PTPRT: variants seen among roughly 807,000 people sequenced by gnomAD.
PTPRT encodes the protein protein tyrosine phosphatase receptor type T.
A neutral mutation model predicts 176.8 loss-of-function variants in PTPRT; 56 were observed. The observed-to-expected ratio is 0.32, with a 90% CI of 0.26 to 0.40. The LOEUF (loss-of-function observed/expected upper bound fraction) is 0.40. Ranked by LOEUF, PTPRT falls within the 10% of genes least tolerant of loss-of-function variation. PTPRT has a pLI of 1.00. For synonymous variants in PTPRT, 783 were observed against 739.0 expected (o/e 1.06, Z -0.96); for missense variants, 1,540 against 1,908.2 (o/e 0.81, Z 3.60).
intron 16 of PTPRT, among the ~76,000 whole-genome samples, chr20:42,181,008 T>C (rs1309952231): frequency 6.6e-6 from 1 of 152,232 alleles, no homozygotes; most frequent in Non-Finnish European, 1.5e-5. Flanking sequence ...ACAATAATCA[T>C]CAACTCATAG....
At chr20:42,135,311 G>T (rs1988319487) in intron 18 of PTPRT, among the ~76,000 whole-genome samples, 1 of 152,142 alleles carries the variant, frequency 6.6e-6, no homozygotes, top group Admixed American at 6.5e-5. Context: ...GAACCCACCT[G>T]GTATGTTGTA....
Position 42,617,371 on chromosome 20 carries a change from G to T in PTPRT, c.1153+60495C>A, listed in dbSNP as rs1332613886. 2.2e-5 allele frequency among the ~76,000 whole-genome samples: 3 copies of T among 136,012 alleles called. 1 individual carries two copies. Among genetic ancestry groups the T allele is most frequent in the African/African-American group, 9.9e-5 (3 of 30,448 alleles). 89.2% of individuals were successfully genotyped at this position (136,012 alleles called of 152,430 possible). A position where few individuals can be genotyped will look rare whatever the true frequency, so the allele number is the denominator to read the frequency against. On this transcript the variant is annotated intron_variant, in intron 7 of 30. Transcript: ENST00000373187. ...TTTTATTGAGGATTTTTGCCTCAATGTTCATCAAGGATATTGGTCTAAAAT... is the reference window on the plus strand; with the variant it reads ...TTTTATTGAGGATTTTTGCCTCAATTTTCATCAAGGATATTGGTCTAAAAT...
At chr20:42,362,372 T>C (rs1263777672) in intron 9 of PTPRT, among the ~76,000 whole-genome samples, 1 of 151,446 alleles carries the variant, frequency 6.6e-6, no homozygotes, top group Non-Finnish European at 1.5e-5. Context: ...TTGCCAAAAA[T>C]GCATAATCTC....
chr20:42,167,046 G>T (rs1484264778), intron 16 of PTPRT, among the ~76,000 whole-genome samples: 2 of 152,184 alleles, frequency 1.3e-5, no homozygotes, highest in Admixed American at 6.5e-5. Flanking sequence ...TTGGCCAAGT[G>T]ACAAATCTTT....
chr20:42,814,092 A>G (rs2077741840), intron 2 of PTPRT, among the ~76,000 whole-genome samples: 1 of 152,126 alleles, frequency 6.6e-6, no homozygotes, highest in Non-Finnish European at 1.5e-5. Context: ...TCCCCAAACT[A>G]TGTTACTAAT....
intron 2 of PTPRT, among the ~76,000 whole-genome samples, chr20:42,809,633 G>T (rs1269368135): frequency 3.3e-5 from 5 of 152,188 alleles, no homozygotes; most frequent in Non-Finnish European, 7.4e-5. Flanking sequence ...GTCTCTAGGG[G>T]ATAATTCCTC....
chr20:42,799,441 G>C (rs955790329), intron 2 of PTPRT, among the ~76,000 whole-genome samples: 11 of 152,030 alleles, frequency 7.2e-5, no homozygotes, highest in Admixed American at 7.2e-4. Context: ...AACAGACCCC[G>C]GGACAATGTT....
intron 7 of PTPRT, among the ~76,000 whole-genome samples, chr20:42,643,745 C>T (rs1024930851): frequency 2.0e-5 from 3 of 152,082 alleles, no homozygotes; most frequent in Non-Finnish European, 4.4e-5. Context: ...AACCACTATG[C>T]ATTGCTTTGT....
At chr20:43,062,165 G>T (rs9679827) in intron 1 of PTPRT, among the ~76,000 whole-genome samples, 13,084 of 152,236 alleles carry the variant, frequency 0.086, 624 homozygotes, top group Middle Eastern at 0.13. Flanking sequence ...GATCAGGGTG[G>T]TGATTAGCTG....
chr20:42,855,950 C>G (rs182829696), intron 2 of PTPRT, among the ~76,000 whole-genome samples: 2 of 152,188 alleles, frequency 1.3e-5, no homozygotes, highest in South Asian at 4.2e-4. Flanking sequence ...CCAGTTATCT[C>G]ATATGAGGAC....
intron 1 of PTPRT, among the ~76,000 whole-genome samples, chr20:43,068,173 G>A (rs1568765443): frequency 7.3e-6 from 1 of 137,800 alleles, no homozygotes; most frequent in Non-Finnish European, 1.6e-5. Context: ...AGGAGGGAGG[G>A]AAGGAAGGAG....
chr20:42,143,291 C>G (rs1010189899), intron 17 of PTPRT, among the ~76,000 whole-genome samples: 1 of 151,974 alleles, frequency 6.6e-6, no homozygotes, highest in Admixed American at 6.6e-5. Context: ...CGCGATGGCT[C>G]AAGCCTGTAA....
chr20:42,474,724 A>G (rs2071258082), intron 7 of PTPRT, among the ~76,000 whole-genome samples: 1 of 152,124 alleles, frequency 6.6e-6, no homozygotes, highest in Non-Finnish European at 1.5e-5. Context: ...CTGCAATGAG[A>G]GCAGATGTAC....
At chr20:42,893,575 A>G (rs1475463260) in intron 1 of PTPRT, among the ~76,000 whole-genome samples, 303 of 152,000 alleles carry the variant, frequency 2.0e-3, no homozygotes, top group African/African-American at 6.9e-3. Flanking sequence ...TGTTTATTGC[A>G]GCACTATTCA....
chr20:42,543,422 T>C (rs1264818729), intron 7 of PTPRT, among the ~76,000 whole-genome samples: 1 of 152,190 alleles, frequency 6.6e-6, no homozygotes, highest in Non-Finnish European at 1.5e-5. Flanking sequence ...AATTTTATCA[T>C]GAGATTGCAT....
At chr20:43,066,940 G>A (rs2011117553) in intron 1 of PTPRT, among the ~76,000 whole-genome samples, 1 of 152,164 alleles carries the variant, frequency 6.6e-6, no homozygotes, top group South Asian at 2.1e-4. Flanking sequence ...GAGACCCTGT[G>A]GCCCACAAAG....
Position 42,961,646 on chromosome 20 carries a change from T to C in PTPRT, c.89-75714A>G, listed in dbSNP as rs369351497. 1.1e-4 allele frequency among the ~76,000 whole-genome samples: 17 copies of C among 152,214 alleles called. No individual in the cohort carries two copies. The South Asian group carries it at 3.1e-3, about 28-fold the overall frequency. ...AACTGCCTTCTAAAGGAAGAGCATG[T>C]GGGAGGGGGCCCCCACACTCTCCAG... On this transcript the variant is annotated intron_variant, in intron 1 of 30. Transcript: ENST00000373187.
At chr20:42,793,497 C>T (rs967153322) in intron 2 of PTPRT, among the ~76,000 whole-genome samples, 50 of 152,200 alleles carry the variant, frequency 3.3e-4, no homozygotes, top group African/African-American at 1.2e-3. Context: ...TCCATATTGC[C>T]GCAAAAGTCA....
intron 11 of PTPRT, among the ~76,000 whole-genome samples, chr20:42,343,085 C>G (rs2058136079): frequency 6.6e-6 from 1 of 152,266 alleles, no homozygotes; most frequent in African/African-American, 2.4e-5. Flanking sequence ...TGCACCATGC[C>G]TCAAGCAACC....
Sources: gnomAD v4.1 joint callset for allele counts (sites outside exome capture counted in the v4.1 genomes callset) on GRCh38, gnomAD v4.1.1 for gene constraint, MANE v1.5 for transcripts, NCBI Gene and HGNC (gene_info 2026-07-23, HGNC 2026-07-21) for gene names.